Variants in PCDHGA4 observed in about 807,000 individuals in gnomAD.
PCDHGA4 encodes the protein protocadherin gamma subfamily A, 4.
In PCDHGA4, 38 loss-of-function variants were observed where a neutral mutation model predicts 54.6. The observed-to-expected ratio is 0.70, with a 90% confidence interval of 0.54 to 0.91. The LOEUF (loss-of-function observed/expected upper bound fraction) is 0.91, where lower values mean the gene tolerates loss of function less well. Ranked by LOEUF, PCDHGA4 falls within the 40% of genes least tolerant of loss-of-function variation. PCDHGA4 has a pLI of 0.00. For synonymous variants in PCDHGA4, 511 were observed against 512.9 expected (o/e 1.00, Z 0.05); for missense variants, 1,298 against 1,220.9 (o/e 1.06, Z -0.94).
At chr5:141,456,912 G>A (rs566842808) in intron 1 of PCDHGA4, among the ~76,000 whole-genome samples, 2 of 152,206 alleles carry the variant, frequency 1.3e-5, no homozygotes, top group South Asian at 2.1e-4. Context: ...GCAGTGAGCC[G>A]AGATCGCACC....
chr5:141,410,420 C>T (rs1426515605), intron 1 of PCDHGA4: 4 of 1,613,926 alleles, frequency 2.5e-6, no homozygotes, highest in Non-Finnish European at 3.4e-6. Flanking sequence ...ACCTGTAGTT[C>T]CCCCCAACTA....
Position 141,422,522 on chromosome 5 carries a change from C to T in PCDHGA4, c.2514+64901C>T, listed in dbSNP as rs767482856. On this transcript the variant is annotated intron_variant, in intron 1 of 3. Coordinates refer to ENST00000571252, the MANE Select transcript of PCDHGA4 (RefSeq NM_018917.4). Reference sequence around the variant, plus strand: ...ACAGCCACAGACCAGGGAAGCCCGCCTTTGTCTGCAGAAACTCATGTCTGG... The same window carrying T: ...ACAGCCACAGACCAGGGAAGCCCGCTTTTGTCTGCAGAAACTCATGTCTGG... 11 of 1,614,014 alleles carry T rather than the reference C, an allele frequency of 6.8e-6. No homozygotes were observed. In the South Asian group the frequency reaches 1.1e-4, roughly 16 times the overall value.
chr5:141,399,672 C>T (rs1322373656), intron 1 of PCDHGA4: 1 of 1,613,510 alleles, frequency 6.2e-7, no homozygotes, highest in Admixed American at 1.7e-5. Context: ...CGCAGCGCGC[C>T]TTTGACTACG....
At chr5:141,435,497 C>T (rs1234443531) in intron 1 of PCDHGA4, among the ~76,000 whole-genome samples, 1 of 152,154 alleles carries the variant, frequency 6.6e-6, no homozygotes, top group African/African-American at 2.4e-5. Context: ...ATTTCCTACA[C>T]TAATGATACT....
intron 1 of PCDHGA4, among the ~76,000 whole-genome samples, chr5:141,373,562 T>C (rs955311782): frequency 2.6e-5 from 4 of 152,186 alleles, no homozygotes; most frequent in African/African-American, 9.7e-5. Context: ...TTACTGAAAA[T>C]GGGACTAGCA....
rs777568111 is a variant in PCDHGA4 at position 141,404,292 on chromosome 5, A to G, written c.2514+46671A>G. On this transcript the variant is annotated intron_variant, in intron 1 of 3. Coordinates refer to ENST00000571252, the MANE Select transcript of PCDHGA4 (RefSeq NM_018917.4). ...ACCCTGCAAGTGACTGACATCAATG[A>G]TAATCCACCTGCTTTCTCTCAAGCC... 2.5e-6 allele frequency: 4 copies of G among 1,613,864 alleles called. No homozygotes were observed. Among genetic ancestry groups the G allele is most frequent in the South Asian group, 1.1e-5 (1 of 91,082 alleles).
At chr5:141,418,539 A>G (rs984639830) in intron 1 of PCDHGA4, 14 of 1,614,034 alleles carry the variant, frequency 8.7e-6, no homozygotes, top group Non-Finnish European at 1.0e-5. Context: ...GGTACTGCTC[A>G]GATAAGAATC....
intron 1 of PCDHGA4, chr5:141,376,964 G>C (rs1365805251): frequency 6.2e-6 from 1 of 160,316 alleles, no homozygotes; most frequent in Non-Finnish European, 1.4e-5. Flanking sequence ...TGGGATTACA[G>C]GCGTGAGCCA....
chr5:141,396,620 A>C (rs1222901061), intron 1 of PCDHGA4: 1 of 142,662 alleles, frequency 7.0e-6, no homozygotes, highest in Admixed American at 7.0e-5. Flanking sequence ...ACTCCGTCTC[A>C]AAAAAAAAAA....
At chr5:141,394,379 T>C in intron 1 of PCDHGA4, 1 of 1,614,160 alleles carries the variant, frequency 6.2e-7, no homozygotes, top group Non-Finnish European at 8.5e-7. Context: ...CTTTCGACTA[T>C]GAGCAGATCC....
chr5:141,357,292 G>A lies in PCDHGA4; in HGVS notation c.2185G>A (p.Ala729Thr), dbSNP rs1940916044. The change falls in exon 1 of 4, where the codon GCC (alanine) becomes ACC (threonine). Residue 729 changes from alanine (A) to threonine (T), a missense_variant. Ala to Thr is a moderately conservative substitution (Grantham distance 58). Coordinates refer to ENST00000571252, the MANE Select transcript of PCDHGA4 (RefSeq NM_018917.4). The part of the protein sequence containing the change: ...GLTLYLVVAV[A>T]AVSCVFLAFV... The stretch of plus-strand genomic sequence containing the variant: ...CACACTCTATCTCGTGGTGGCAGTG[G>A]CCGCTGTCTCCTGCGTCTTCCTGGC... The A allele has an allele frequency of 6.2e-7, 1 of 1,613,972 alleles. No individual in the cohort carries two copies.
At chr5:141,392,859 CT>C in intron 1 of PCDHGA4, 1 of 1,612,504 alleles carries the variant, frequency 6.2e-7, no homozygotes, top group Non-Finnish European at 8.5e-7. Flanking sequence ...GCTGATCCTG[CT>C]GTGCGCGCTG....
chr5:141,390,099 C>T (rs1252752587), intron 1 of PCDHGA4: 2 of 1,614,052 alleles, frequency 1.2e-6, no homozygotes, highest in Admixed American at 3.3e-5. Context: ...CGTGGTTCCC[C>T]CCAACTACAG....
intron 1 of PCDHGA4, among the ~76,000 whole-genome samples, chr5:141,457,938 G>A (rs915640623): frequency 6.6e-6 from 1 of 152,160 alleles, no homozygotes; most frequent in African/African-American, 2.4e-5. Flanking sequence ...GCTTTTATTG[G>A]CTCTGCATGT....
At chr5:141,365,529 A>C (rs376283711) in intron 1 of PCDHGA4, 2 of 1,613,724 alleles carry the variant, frequency 1.2e-6, no homozygotes, top group Non-Finnish European at 1.7e-6. Context: ...TCAGTTGATA[A>C]TTACTATCAC....
At chr5:141,465,229 A>G (rs1010075158) in intron 1 of PCDHGA4, among the ~76,000 whole-genome samples, 6 of 152,208 alleles carry the variant, frequency 3.9e-5, no homozygotes, top group Non-Finnish European at 2.9e-5. Flanking sequence ...CATGAGCTCC[A>G]TCAAGTTCAA....
In PCDHGA4 at chr5:141,372,623, C is replaced by T. The variant is rs1024329977; in HGVS notation, c.2514+15002C>T. The T allele has an allele frequency of 6.8e-6, 11 of 1,613,878 alleles. No homozygotes were observed. In the Admixed American group the frequency reaches 1.2e-4, roughly 17 times the overall value. ...CTGTACCTGGAGTTCTCCCCACCTA[C>T]AGCGAAAGGACTTTGCCTTATTCCT... is the stretch of plus-strand genomic sequence containing the variant. On this transcript the variant is annotated intron_variant, in intron 1 of 3. Transcript: ENST00000571252.
intron 1 of PCDHGA4, among the ~76,000 whole-genome samples, chr5:141,437,145 T>C (rs191316470): frequency 3.9e-5 from 6 of 152,364 alleles, no homozygotes; most frequent in Admixed American, 3.9e-4. Flanking sequence ...GGATTCATAA[T>C]TAACATATGT....
chr5:141,385,518 A>G, intron 1 of PCDHGA4: 20 of 1,366,294 alleles, frequency 1.5e-5, no homozygotes, highest in East Asian at 5.4e-5. Context: ...GTGAAAGCCT[A>G]TGGACAAGAT....
Sources: allele counts gnomAD v4.1 joint callset (sites outside exome capture counted in the v4.1 genomes callset), GRCh38; gene constraint gnomAD v4.1.1; transcripts MANE v1.5; gene names NCBI Gene and HGNC (gene_info 2026-07-23, HGNC 2026-07-21).